Variants in NDFIP2 observed in about 807,000 individuals in gnomAD.
The protein encoded by NDFIP2 is NEDD4 family-interacting protein 2.
Under a neutral mutation model 36.0 loss-of-function variants are expected in NDFIP2, and 19 were observed. The observed-to-expected ratio is 0.53, with a 90% CI of 0.37 to 0.77. The LOEUF is 0.77. NDFIP2 is among the 30% of genes least tolerant of loss of function. The probability of loss-of-function intolerance (pLI) is 0.00; values close to 1 mark genes in which losing one functional copy is unlikely to be tolerated. For missense variants in NDFIP2, 446 were observed against 435.8 expected, an observed-to-expected ratio of 1.02 and a Z score of -0.21; for synonymous variants, 181 against 167.7, an observed-to-expected ratio of 1.08 and a Z score of -0.61.
At chr13:79,484,774 C>A (rs1179459852) in intron 1 of NDFIP2, among the ~76,000 whole-genome samples, 1 of 152,120 alleles carries the variant, frequency 6.6e-6, no homozygotes, top group Non-Finnish European at 1.5e-5. Context: ...GGGTAAAAAA[C>A]CTACAGGTTT....
chr13:79,495,647 C>G (rs1202713729), intron 1 of NDFIP2, among the ~76,000 whole-genome samples: 1 of 151,820 alleles, frequency 6.6e-6, no homozygotes, highest in Admixed American at 6.6e-5. Context: ...ATAGTTAGGT[C>G]TTACTTTTAA....
At chr13:79,502,951 G>T (rs1873723057) in intron 1 of NDFIP2, among the ~76,000 whole-genome samples, 1 of 151,480 alleles carries the variant, frequency 6.6e-6, no homozygotes, top group African/African-American at 2.4e-5. Flanking sequence ...TAGGGAGAAA[G>T]AAGTCAGTGT....
At chr13:79,528,677 T>A (rs1036422878) in intron 2 of NDFIP2, among the ~76,000 whole-genome samples, 1 of 152,200 alleles carries the variant, frequency 6.6e-6, no homozygotes, top group Non-Finnish European at 1.5e-5. Flanking sequence ...TATGTTTAGA[T>A]GTATTTATAT....
chr13:79,487,881 C>G (rs1342263169), intron 1 of NDFIP2, among the ~76,000 whole-genome samples: 1 of 152,062 alleles, frequency 6.6e-6, no homozygotes, highest in Non-Finnish European at 1.5e-5. Context: ...TGTACTCTCT[C>G]TAGTTTGTTT....
intron 1 of NDFIP2, among the ~76,000 whole-genome samples, chr13:79,486,614 C>T (rs1873002954): frequency 6.6e-6 from 1 of 152,162 alleles, no homozygotes; most frequent in Non-Finnish European, 1.5e-5. Context: ...ACTCATGTAA[C>T]CCAAACCACC....
chr13:79,481,316 C>T lies in NDFIP2; in HGVS notation c.113C>T (p.Ala38Val), dbSNP rs756101384. The T allele has an allele frequency of 9.7e-6, 15 of 1,542,634 alleles. No individual in the cohort carries two copies. The highest frequency in any genetic ancestry group is 1.4e-5 in the African/African-American group (1 of 73,070). The change falls in exon 1 of 8, where the codon GCG becomes GTG. Residue 38 changes from alanine to valine, a missense_variant. Coordinates refer to ENST00000218652, the MANE Select transcript of NDFIP2 (RefSeq NM_019080.3). ...RGTATNAEVS[A>V]AAAGATGSEE... ...ACCGCGACCAACGCGGAGGTCTCGG[C>T]GGCCGCTGCGGGAGCCACAGGAAGT...
At chr13:79,529,946 C>T (rs555118620) in intron 2 of NDFIP2, among the ~76,000 whole-genome samples, 11 of 152,242 alleles carry the variant, frequency 7.2e-5, no homozygotes, top group African/African-American at 2.2e-4. Flanking sequence ...GTTATGTTTA[C>T]GCTATACTCT....
rs757683174 is a variant in NDFIP2, at chr13:79,539,723, T to C, written c.663T>C (p.Asp221=). 1 of 1,613,888 alleles carries C rather than the reference T, an allele frequency of 6.2e-7. No homozygotes were observed. Among genetic ancestry groups the C allele is most frequent in the Admixed American group, 1.7e-5 (1 of 60,018 alleles). ...EECPPRDDFS[D]ADQLRVGNDG... is the part of the protein sequence containing the mutation. ...GTCCACCAAGAGATGACTTCAGTGA[T>C]GCAGACCAGCTCAGAGTGGGGAATG... is the stretch of plus-strand genomic sequence containing the variant. Residue 221 remains aspartate, a synonymous_variant, in exon 4 of 8, where the codon GAT becomes GAC. Transcript: ENST00000218652.
intron 3 of NDFIP2, among the ~76,000 whole-genome samples, chr13:79,538,922 T>C (rs947303144): frequency 2.0e-5 from 3 of 152,176 alleles, no homozygotes; most frequent in African/African-American, 7.2e-5. Context: ...CAGGGCTTAC[T>C]GGTACAAGGG....
chr13:79,507,177 T>C (rs1873901066), intron 1 of NDFIP2, among the ~76,000 whole-genome samples: 1 of 151,944 alleles, frequency 6.6e-6, no homozygotes, highest in Admixed American at 6.6e-5. Context: ...GCTCTATGTT[T>C]AACCTTAGTT....
At chr13:79,514,534 A>G (rs960749431) in intron 1 of NDFIP2, among the ~76,000 whole-genome samples, 1 of 152,310 alleles carries the variant, frequency 6.6e-6, no homozygotes, top group Non-Finnish European at 1.5e-5. Context: ...GATTATATCA[A>G]AGAGTTCTAA....
intron 3 of NDFIP2, 147 bp downstream of exon 3, chr13:79,533,603 G>C: frequency 1.8e-6 from 1 of 544,284 alleles, no homozygotes; most frequent in Non-Finnish European, 2.9e-6. Flanking sequence ...AGGTCTACTT[G>C]TATGCAGATT....
chr13:79,526,195 G>A (rs1271374122), intron 2 of NDFIP2, among the ~76,000 whole-genome samples: 2 of 152,116 alleles, frequency 1.3e-5, no homozygotes, highest in East Asian at 1.9e-4. Flanking sequence ...TGAGGGAGAA[G>A]GGGTTAAGAA....
At chr13:79,513,714 T>TC (rs1346401794) in intron 1 of NDFIP2, among the ~76,000 whole-genome samples, 1 of 144,746 alleles carries the variant, frequency 6.9e-6, no homozygotes, top group South Asian at 2.2e-4. Flanking sequence ...TTTTTTCTCT[T>TC]CTTTTTTTTT....
At chr13:79,507,771 A>G (rs554602255) in intron 1 of NDFIP2, among the ~76,000 whole-genome samples, 183 of 152,062 alleles carry the variant, frequency 1.2e-3, no homozygotes, top group African/African-American at 3.5e-3. Context: ...AGATAGTTCT[A>G]TATCCACCGT....
chr13:79,544,114 G>A (rs1054288727), intron 5 of NDFIP2, among the ~76,000 whole-genome samples: 7 of 152,096 alleles, frequency 4.6e-5, no homozygotes, highest in African/African-American at 1.7e-4. Flanking sequence ...ATATAGTGCA[G>A]GTATGCCTAA....
chr13:79,504,601 A>G (rs936812078), intron 1 of NDFIP2, among the ~76,000 whole-genome samples: 1 of 151,406 alleles, frequency 6.6e-6, no homozygotes, highest in African/African-American at 2.4e-5. Context: ...ACACTCAGTT[A>G]TCAAGTCTCT....
chr13:79,498,617 A>C (rs1873538481), intron 1 of NDFIP2, among the ~76,000 whole-genome samples: 1 of 152,008 alleles, frequency 6.6e-6, no homozygotes, highest in African/African-American at 2.4e-5. Context: ...CCTATGTCAA[A>C]AAGTAGAAAG....
intron 3 of NDFIP2, among the ~76,000 whole-genome samples, chr13:79,535,206 A>G (rs965205591): frequency 4.6e-5 from 7 of 152,212 alleles, no homozygotes; most frequent in South Asian, 4.1e-4. Flanking sequence ...CTCTCTAGCT[A>G]TGAAAGTCCC....
Sources: gnomAD v4.1 joint callset for allele counts (sites outside exome capture counted in the v4.1 genomes callset) on GRCh38, gnomAD v4.1.1 for gene constraint, MANE v1.5 for transcripts, NCBI Gene and HGNC (gene_info 2026-07-23, HGNC 2026-07-21) for gene names.